The following FMN2 variants were observed in gnomAD, a reference collection of about 807,000 sequenced individuals.
The protein encoded by FMN2 is formin 2.
FMN2 carries 51 observed loss-of-function variants against 142.3 expected under a neutral mutation model. The ratio of observed to expected loss-of-function variants is 0.36; its 90% confidence interval spans 0.29 to 0.45. The LOEUF is 0.45. FMN2 is among the 20% of genes least tolerant of loss of function. The probability of loss-of-function intolerance (pLI) is 1.00; values close to 1 mark genes in which losing one functional copy is unlikely to be tolerated. For synonymous variants in FMN2, 882 were observed against 869.8 expected, an observed-to-expected ratio of 1.01 and a Z score of -0.25; for missense variants, 1,936 against 2,122.8, an observed-to-expected ratio of 0.91 and a Z score of 1.73.
intron 4 of FMN2, 78 bp from the exon 5 acceptor site, chr1:240,206,721 A>G (rs769843676): frequency 1.7e-4 from 245 of 1,478,892 alleles, no homozygotes; most frequent in Non-Finnish European, 2.0e-4. Flanking sequence ...ACAAACAGAT[A>G]TAATTTTGCT....
intron 2 of FMN2, chr1:240,154,611 G>C (rs1663936087): frequency 6.6e-6 from 1 of 152,056 alleles, no homozygotes; most frequent in Non-Finnish European, 1.5e-5. Flanking sequence ...TTCCATCTCA[G>C]AATCATTAGA....
chr1:240,285,959 T>C (rs944413820), intron 7 of FMN2, among the ~76,000 whole-genome samples: 10 of 152,194 alleles, frequency 6.6e-5, no homozygotes, highest in Non-Finnish European at 1.5e-4. Flanking sequence ...ATAGATGATT[T>C]GATCCTTGGC....
chr1:240,148,255 TAGACAGAG>T (rs1558321021), intron 2 of FMN2, among the ~76,000 whole-genome samples: 14 of 135,210 alleles, frequency 1.0e-4, no homozygotes, highest in Admixed American at 4.3e-4. Context: ...CAAACAGAGA[TAGACAGAG>T]AGACAGAGAT....
chr1:240,255,803 C>T (rs149627574), intron 6 of FMN2, among the ~76,000 whole-genome samples: 7 of 152,162 alleles, frequency 4.6e-5, no homozygotes, highest in East Asian at 3.9e-4. Context: ...TGTCTTTTCA[C>T]GAAGTAGGAG....
chr1:240,138,298 G>C (rs1663038162), intron 2 of FMN2, among the ~76,000 whole-genome samples: 1 of 151,996 alleles, frequency 6.6e-6, no homozygotes. Flanking sequence ...TGTGTTTGTG[G>C]TTAGGATGCT....
In FMN2 at chr1:240,310,755, T is replaced by G. The variant is rs116444751; in HGVS notation, c.4215+15872T>G. Among the ~76,000 whole-genome samples the G allele has an allele frequency of 6.8e-3, 1,030 of 152,262 alleles. 14 individuals carry two copies. The highest frequency in any genetic ancestry group is 0.024 in the African/African-American group (996 of 41,566). On this transcript the variant is annotated intron_variant, in intron 8 of 17. Transcript: ENST00000319653. ...AGCTTGTGAGGTGGATAGGAAGCAG[T>G]AGACTGTGGTGTGGGGAATGAGGGA...
chr1:240,238,459 G>T (rs1667779742), intron 6 of FMN2, among the ~76,000 whole-genome samples: 1 of 152,110 alleles, frequency 6.6e-6, no homozygotes, highest in Non-Finnish European at 1.5e-5. Context: ...TGTAGATGTG[G>T]TATTAGAAAC....
chr1:240,289,244 T>C (rs569041819), intron 7 of FMN2, among the ~76,000 whole-genome samples: 1 of 152,284 alleles, frequency 6.6e-6, no homozygotes, highest in South Asian at 2.1e-4. Flanking sequence ...AGCACAGCCC[T>C]GAGAGACTGC....
chr1:240,301,698 C>T (rs1195935805), intron 8 of FMN2, among the ~76,000 whole-genome samples: 22 of 151,976 alleles, frequency 1.4e-4, no homozygotes, highest in Admixed American at 1.1e-3. Flanking sequence ...CAATTACCTC[C>T]GATCTACCTT....
At position 240,474,232 on chromosome 1, in the gene FMN2, C is replaced by A; in HGVS notation, c.*78C>A. 1 of 1,294,862 alleles carries A rather than the reference C, an allele frequency of 7.7e-7. No homozygotes were observed. Among genetic ancestry groups the A allele is most frequent in the Non-Finnish European group, 1.1e-6 (1 of 947,536 alleles). 80.2% of individuals were successfully genotyped at this position (1,294,862 alleles called of 1,614,324 possible). On this transcript the variant is annotated 3_prime_UTR_variant, in exon 18 of 18. Transcript: ENST00000319653. ...AGCTGACCTGAGAGTGGGAGGGAAACTACCGTCATTCTGCTCATGTTTCTT... is the reference window on the plus strand; with the variant it reads ...AGCTGACCTGAGAGTGGGAGGGAAAATACCGTCATTCTGCTCATGTTTCTT...
chr1:240,204,479 G>T (rs146878739), intron 4 of FMN2, among the ~76,000 whole-genome samples: 1 of 152,154 alleles, frequency 6.6e-6, no homozygotes, highest in Non-Finnish European at 1.5e-5. Context: ...GACCATGTGC[G>T]GTGGCTCACG....
intron 2 of FMN2, among the ~76,000 whole-genome samples, chr1:240,157,715 C>G (rs905240009): frequency 1.3e-5 from 2 of 152,024 alleles, no homozygotes; most frequent in African/African-American, 4.8e-5. Flanking sequence ...CAAAAATTAT[C>G]TCATAATATC....
chr1:240,362,383 TAC>T (rs1465125834), intron 14 of FMN2, among the ~76,000 whole-genome samples: 1 of 152,212 alleles, frequency 6.6e-6, no homozygotes, highest in Non-Finnish European at 1.5e-5. Context: ...AGCATTTATT[TAC>T]AATTTGGTGT....
intron 7 of FMN2, among the ~76,000 whole-genome samples, chr1:240,284,488 G>C (rs1307344965): frequency 6.6e-6 from 1 of 152,076 alleles, no homozygotes; most frequent in Non-Finnish European, 1.5e-5. Context: ...CTAGAATACA[G>C]ATGATAGCTT....
intron 6 of FMN2, among the ~76,000 whole-genome samples, chr1:240,215,102 A>G (rs560784957): frequency 7.9e-5 from 12 of 152,146 alleles, no homozygotes; most frequent in Non-Finnish European, 1.0e-4. Context: ...CATTAGCAGG[A>G]AAGTGAGAGA....
intron 14 of FMN2, among the ~76,000 whole-genome samples, chr1:240,356,362 C>T (rs1672272428): frequency 1.3e-5 from 2 of 151,984 alleles, no homozygotes; most frequent in East Asian, 1.9e-4. Flanking sequence ...ATCTTCAGAG[C>T]ATTATTTGCA....
chr1:240,159,004 CATT>C (rs1664150500), intron 2 of FMN2, among the ~76,000 whole-genome samples: 1 of 152,068 alleles, frequency 6.6e-6, no homozygotes, highest in African/African-American at 2.4e-5. Flanking sequence ...TGCTATAAAA[CATT>C]ATAAAAACTG....
At chr1:240,308,587 C>G (rs967603274) in intron 8 of FMN2, among the ~76,000 whole-genome samples, 4 of 152,134 alleles carry the variant, frequency 2.6e-5, no homozygotes, top group African/African-American at 7.2e-5. Flanking sequence ...GTATTCTGTC[C>G]CTTGGACACC....
chr1:240,320,476 C>T (rs577907536), intron 8 of FMN2, among the ~76,000 whole-genome samples: 1 of 152,258 alleles, frequency 6.6e-6, no homozygotes, highest in Non-Finnish European at 1.5e-5. Context: ...ATTGTAGCTT[C>T]CTCACATATC....
Sources: gnomAD v4.1 joint callset for allele counts (sites outside exome capture counted in the v4.1 genomes callset) on GRCh38, gnomAD v4.1.1 for gene constraint, MANE v1.5 for transcripts, NCBI Gene and HGNC (gene_info 2026-07-23, HGNC 2026-07-21) for gene names.